The following BLOC1S5 variants were observed in gnomAD, a reference collection of about 807,000 sequenced individuals.
The protein encoded by BLOC1S5 is biogenesis of lysosome-related organelles complex 1 subunit 5.
A neutral mutation model predicts 24.3 loss-of-function variants in BLOC1S5; 27 were observed. The observed-to-expected ratio is 1.11, with a 90% CI of 0.82 to 1.53. The LOEUF (loss-of-function observed/expected upper bound fraction) is 1.53. Ranked by LOEUF, BLOC1S5 falls within the 40% of genes most tolerant of loss-of-function variation. The probability of loss-of-function intolerance (pLI) is 0.00; values close to 1 mark genes in which losing one functional copy is unlikely to be tolerated. For missense variants in BLOC1S5, 239 were observed against 229.4 expected (o/e 1.04, Z -0.27); for synonymous variants, 84 against 74.5 (o/e 1.13, Z -0.66).
chr6:8,041,112 G>A, intron 3 of BLOC1S5, 27 bp downstream of exon 3: 5 of 1,555,812 alleles, frequency 3.2e-6, no homozygotes, highest in Non-Finnish European at 4.3e-6. Context: ...GAAATGAAAA[G>A]CAATTAAAAA....
intron 3 of BLOC1S5, among the ~76,000 whole-genome samples, chr6:8,032,341 C>T (rs1437187809): frequency 1.3e-5 from 2 of 151,774 alleles, no homozygotes; most frequent in African/African-American, 2.4e-5. Context: ...TACAAATGGC[C>T]AACAAACATA....
Position 8,015,389 on chromosome 6 carries a change from A to G in BLOC1S5, c.*260T>C. On this transcript the variant is annotated 3_prime_UTR_variant, in exon 5 of 5. Coordinates refer to ENST00000397457, the MANE Select transcript of BLOC1S5 (RefSeq NM_201280.3). The stretch of plus-strand genomic sequence containing the variant: ...GAAAAGATGATCAATTCTGACTAAC[A>G]AAGAGTATATTGATTCCATTTTCCT... 2.6e-6 allele frequency: 1 copy of G among 389,056 alleles called. No individual in the cohort carries two copies. The highest frequency in any genetic ancestry group is 4.6e-6 in the Non-Finnish European group (1 of 218,646). The allele number at this position is 389,056 out of a possible 1,614,324, so 24.1% of individuals were successfully genotyped here.
chr6:8,027,249 C>A, intron 3 of BLOC1S5: 5 of 439,296 alleles, frequency 1.1e-5, no homozygotes, highest in Non-Finnish European at 2.3e-5. Context: ...TAAGAGTGAG[C>A]CTTAGTCAAA....
rs373941686 is a variant in BLOC1S5 at position 8,050,948 on chromosome 6, G to A, written c.196-9680C>T. 2.0e-5 allele frequency among the ~76,000 whole-genome samples: 3 copies of A among 152,090 alleles called. No individual in the cohort carries two copies. In the East Asian group the frequency reaches 5.9e-4, roughly 30 times the overall value. ...AGGAAATTAAAAATGTTATTCCATT[G>A]GGAGGCCGAGGTGGGCAGATCACAA... is the stretch of plus-strand genomic sequence containing the variant. On this transcript the variant is annotated intron_variant, in intron 2 of 4. Transcript: ENST00000397457.
Position 8,015,693 on chromosome 6 carries a change from A to G in BLOC1S5, c.520T>C (p.Tyr174His), listed in dbSNP as rs140801566. Reference protein sequence around the residue: ...RKAMERLKEQYAEMEKDLAKF... With the variant: ...RKAMERLKEQHAEMEKDLAKF... ...GCTAGGTCCTTCTCCATCTCAGCAT[A>G]TTGTTCTTTAAGCCTTTCCATGGCT... is the stretch of plus-strand genomic sequence containing the variant. Residue 174 changes from tyrosine to histidine, a missense_variant, in exon 5 of 5, where the codon TAT becomes CAT. Transcript: ENST00000397457. The G allele has an allele frequency of 5.7e-5, 92 of 1,613,978 alleles. No individual in the cohort carries two copies. In the African/African-American group the frequency reaches 1.1e-3, roughly 19 times the overall value.
At chr6:8,038,915 C>A (rs1763586292) in intron 3 of BLOC1S5, among the ~76,000 whole-genome samples, 1 of 152,088 alleles carries the variant, frequency 6.6e-6, no homozygotes, top group Non-Finnish European at 1.5e-5. Context: ...GGAGGTTCCT[C>A]AAAAAACTAA....
chr6:8,039,879 G>A (rs1350083770), intron 3 of BLOC1S5, among the ~76,000 whole-genome samples: 1 of 152,130 alleles, frequency 6.6e-6, no homozygotes, highest in Admixed American at 6.6e-5. Flanking sequence ...ATTATTAATT[G>A]GTATACAGAT....
chr6:8,053,797 A>AAT (rs1196386234), intron 2 of BLOC1S5, among the ~76,000 whole-genome samples: 2 of 152,024 alleles, frequency 1.3e-5, no homozygotes, highest in African/African-American at 2.4e-5. Flanking sequence ...ACACATACAT[A>AAT]ATATATATAT....
chr6:8,037,673 G>A (rs1581412396), intron 3 of BLOC1S5, among the ~76,000 whole-genome samples: 1 of 152,010 alleles, frequency 6.6e-6, no homozygotes, highest in African/African-American at 2.4e-5. Flanking sequence ...AAGCAATTTT[G>A]AGCAAAAAGA....
intron 3 of BLOC1S5, among the ~76,000 whole-genome samples, chr6:8,037,751 A>C (rs1238743839): frequency 6.6e-6 from 1 of 152,220 alleles, no homozygotes; most frequent in African/African-American, 2.4e-5. Flanking sequence ...TAGTAACCAA[A>C]TCAGCATGAT....
At chr6:8,043,511 C>T (rs929744383) in intron 2 of BLOC1S5, among the ~76,000 whole-genome samples, 5 of 152,118 alleles carry the variant, frequency 3.3e-5, no homozygotes, top group Admixed American at 6.6e-5. Flanking sequence ...GTACTCAAGA[C>T]TTATGCAAAG....
intron 3 of BLOC1S5, among the ~76,000 whole-genome samples, chr6:8,030,877 A>T (rs969387435): frequency 1.3e-5 from 2 of 151,628 alleles, no homozygotes; most frequent in African/African-American, 4.8e-5. Context: ...AAAAAAAAAA[A>T]TCACATGATC....
intron 4 of BLOC1S5, among the ~76,000 whole-genome samples, chr6:8,025,945 A>G (rs1763087579): frequency 6.6e-6 from 1 of 152,238 alleles, no homozygotes; most frequent in African/African-American, 2.4e-5. Context: ...CCAGCAAATG[A>G]TTCAAATACT....
rs188254929 is a variant in BLOC1S5 at position 8,047,649 on chromosome 6, G to T, written c.196-6381C>A. On this transcript the variant is annotated intron_variant, in intron 2 of 4. Transcript: ENST00000397457. Reference sequence around the variant, plus strand: ...TTTGTTGGAAAAAAGTGAGTCATTTGTTCTGCACAGTTTCCCACAGTCTGT... The same window carrying T: ...TTTGTTGGAAAAAAGTGAGTCATTTTTTCTGCACAGTTTCCCACAGTCTGT... Among the ~76,000 whole-genome samples, 13 of 152,176 alleles carry T rather than the reference G, an allele frequency of 8.5e-5. 1 individual carries two copies. In the East Asian group the frequency reaches 2.5e-3, roughly 29 times the overall value.
chr6:8,030,789 T>C (rs1413241785), intron 3 of BLOC1S5, among the ~76,000 whole-genome samples: 1 of 148,088 alleles, frequency 6.8e-6, no homozygotes, highest in Non-Finnish European at 1.5e-5. Flanking sequence ...GGAGAATGGC[T>C]TGAACCCAGA....
intron 3 of BLOC1S5, among the ~76,000 whole-genome samples, chr6:8,039,427 G>C (rs1478046208): frequency 6.6e-6 from 1 of 152,078 alleles, no homozygotes; most frequent in Non-Finnish European, 1.5e-5. Flanking sequence ...ATTCAAAATA[G>C]CTAGAAGAGA....
rs560013455 is a variant in BLOC1S5, at chr6:8,026,315, T to C, written c.384+52A>G. ...TGATCAAAAGCAATTGCTAATAATA[T>C]GATAATAAAGATGCAAGAATTATAT... On this transcript the variant is annotated intron_variant, in intron 4 of 4. Coordinates refer to ENST00000397457, the MANE Select transcript of BLOC1S5 (RefSeq NM_201280.3). The C allele has an allele frequency of 1.9e-4, 269 of 1,409,752 alleles. 2 individuals carry two copies. The South Asian group carries it at 2.5e-3, about 13-fold the overall frequency. The allele number at this position is 1,409,752 out of a possible 1,614,324, so 87.3% of individuals were successfully genotyped here.
At chr6:8,032,233 T>C (rs1763322580) in intron 3 of BLOC1S5, among the ~76,000 whole-genome samples, 1 of 152,014 alleles carries the variant, frequency 6.6e-6, no homozygotes, top group Admixed American at 6.6e-5. Flanking sequence ...AAGACTAATA[T>C]GCAGAGTCTA....
intron 2 of BLOC1S5, among the ~76,000 whole-genome samples, chr6:8,055,024 C>G (rs1480820192): frequency 6.6e-6 from 1 of 152,108 alleles, no homozygotes; most frequent in African/African-American, 2.4e-5. Context: ...TTTCACCTGA[C>G]CTTTTATTTT....
Sources: allele counts gnomAD v4.1 joint callset (sites outside exome capture counted in the v4.1 genomes callset), GRCh38; gene constraint gnomAD v4.1.1; transcripts MANE v1.5; gene names NCBI Gene and HGNC (gene_info 2026-07-23, HGNC 2026-07-21).